Variants in SKOR2 observed in about 807,000 individuals in gnomAD.
SKOR2 encodes the protein SKI family transcriptional corepressor 2, also known as LBX1 corepressor 1-like protein.
A neutral mutation model predicts 69.1 loss-of-function variants in SKOR2; 47 were observed. The observed-to-expected ratio is 0.68, with a 90% CI of 0.54 to 0.87. The LOEUF is 0.87. Ranked by LOEUF, SKOR2 falls within the 40% of genes least tolerant of loss-of-function variation. SKOR2 has a pLI of 0.00. For synonymous variants in SKOR2, 717 were observed against 672.6 expected (o/e 1.07, Z -1.02); for missense variants, 1,404 against 1,472.2 (o/e 0.95, Z 0.76).
intron 8 of SKOR2, among the ~76,000 whole-genome samples, chr18:47,210,456 T>C (rs986561481): frequency 3.3e-5 from 5 of 152,204 alleles, no homozygotes; most frequent in Non-Finnish European, 7.4e-5. Context: ...AGGTTATTTT[T>C]AAAAACATCC....
In SKOR2 at chr18:47,247,434, C is replaced by T. The variant is rs1341166096; in HGVS notation, c.1750G>A (p.Gly584Arg). The T allele has an allele frequency of 3.9e-6, 5 of 1,280,760 alleles. No individual in the cohort carries two copies. Among genetic ancestry groups the T allele is most frequent in the Non-Finnish European group, 3.9e-6 (4 of 1,016,068 alleles). 79.3% of individuals were successfully genotyped at this position (1,280,760 alleles called of 1,614,324 possible). The change falls in exon 2 of 9, where the codon GGG becomes AGG. Residue 584 changes from glycine (G) to arginine (R), a missense_variant. Physicochemically the swap from Gly to Arg is moderately radical, Grantham distance 125. Around this residue, in one of 3 missense-constraint regions of SKOR2, gnomAD observed 1,266 missense variants for 1,309.9 expected, o/e 0.97. Transcript: ENST00000425639. The surrounding 1 kb of genome is among the most constrained non-coding windows in gnomAD (Gnocchi z 6.6). ...TPPADSVAAA[G>R]AGAAAAGSGP... The stretch of plus-strand genomic sequence containing the variant: ...GACCCGGCGGCCGCGGCCCCTGCCC[C>T]GGCAGCTGCCACAGAGTCCGCGGGC...
chr18:47,222,741 G>C (rs1240610249), intron 6 of SKOR2, among the ~76,000 whole-genome samples: 1 of 152,218 alleles, frequency 6.6e-6, no homozygotes, highest in Non-Finnish European at 1.5e-5. Flanking sequence ...AGGAGGGGCT[G>C]CCTGAAGCCG....
chr18:47,248,275 G>T lies in SKOR2; in HGVS notation c.909C>A (p.His303Gln). 8.2e-7 allele frequency: 1 copy of T among 1,217,134 alleles called. No homozygotes were observed. Among genetic ancestry groups the T allele is most frequent in the South Asian group, 4.0e-5 (1 of 25,168 alleles). The allele number at this position is 1,217,134 out of a possible 1,614,324, so 75.4% of individuals were successfully genotyped here. A position where few individuals can be genotyped will look rare whatever the true frequency, so the allele number is the denominator to read the frequency against. The change falls in exon 2 of 9, where the codon CAC becomes CAA. Residue 303 changes from histidine to glutamine, a missense_variant. Coordinates refer to ENST00000425639, the MANE Select transcript of SKOR2 (RefSeq NM_001278063.4). The surrounding 1 kb of genome is among the most constrained non-coding windows in gnomAD (Gnocchi z 6.4). ...PPLAELAGAP[H>Q]AHHKRPRFDD... is the part of the protein sequence containing the mutation. Reference sequence around the variant, plus strand: ...CGAAGCGCGGCCGCTTGTGATGGGCGTGCGGGGCACCAGCCAGCTCTGCCA... The same window carrying T: ...CGAAGCGCGGCCGCTTGTGATGGGCTTGCGGGGCACCAGCCAGCTCTGCCA...
In SKOR2 at chr18:47,246,968, T is replaced by G. The variant is rs1451728057; in HGVS notation, c.2216A>C (p.Glu739Ala). 4.0e-6 allele frequency: 6 copies of G among 1,496,800 alleles called. No homozygotes were observed. The African/African-American group carries it at 7.2e-5, about 18-fold the overall frequency. The allele number at this position is 1,496,800 out of a possible 1,614,324, so 92.7% of individuals were successfully genotyped here. ...CTCCACGTCCACCTCCTGCTCTTCT[T>G]CCTCGTCGTCCTCGTCCTCGGAGCT... is the stretch of plus-strand genomic sequence containing the variant. ...EDSSEDEDDE[E>A]EEQEVDVEGH... Residue 739 changes from glutamate to alanine, a missense_variant, in exon 2 of 9, where the codon GAA becomes GCA. Glu to Ala is a moderately radical substitution (Grantham distance 107, BLOSUM62 -1). Coordinates refer to ENST00000425639, the MANE Select transcript of SKOR2 (RefSeq NM_001278063.4).
At chr18:47,225,464 C>T (rs2064175351) in intron 6 of SKOR2, among the ~76,000 whole-genome samples, 1 of 152,178 alleles carries the variant, frequency 6.6e-6, no homozygotes, top group Admixed American at 6.5e-5. Flanking sequence ...TCCTATCAAT[C>T]ATTTATTGAG....
At chr18:47,246,206 T>G (rs2144513784) in intron 2 of SKOR2, among the ~76,000 whole-genome samples, 1 of 152,284 alleles carries the variant, frequency 6.6e-6, no homozygotes, top group South Asian at 2.1e-4. Flanking sequence ...GCTGCTCCGG[T>G]GTTGTGGTCT....
chr18:47,247,255 C>T lies in SKOR2; in HGVS notation c.1929G>A (p.Ser643=). The T allele has an allele frequency of 6.8e-7, 1 of 1,473,872 alleles. No individual in the cohort carries two copies. The allele number at this position is 1,473,872 out of a possible 1,614,324, so 91.3% of individuals were successfully genotyped here. ...TCTGGGCCGAGTGGGGCGCGCCCGC[C>T]GACGCCCCGTGCAGCTTGGCCAGGC... is the stretch of plus-strand genomic sequence containing the variant. The part of the protein sequence containing the change: ...AESLAKLHGA[S]AGAPHSAQTH... Residue 643 remains serine, a synonymous_variant, in exon 2 of 9, where the codon TCG becomes TCA. Transcript: ENST00000425639. This position sits in a 1 kb window ranked among gnomAD's most constrained non-coding sequence, Gnocchi z 6.6.
At chr18:47,229,150 T>C (rs936680460) in intron 6 of SKOR2, among the ~76,000 whole-genome samples, 4 of 152,188 alleles carry the variant, frequency 2.6e-5, no homozygotes, top group African/African-American at 9.7e-5. Flanking sequence ...TGATTACATT[T>C]AGGAAGCCCT....
chr18:47,246,149 AGG>A (rs962733320), intron 2 of SKOR2, among the ~76,000 whole-genome samples: 1 of 152,172 alleles, frequency 6.6e-6, no homozygotes, highest in Admixed American at 6.5e-5. Flanking sequence ...GTCATGGTGG[AGG>A]GGAGGTACTG....
chr18:47,248,208 C>T lies in SKOR2; in HGVS notation c.976G>A (p.Ala326Thr). Residue 326 changes from alanine (A) to threonine (T), a missense_variant, in exon 2 of 9, where the codon GCC becomes ACC. Physicochemically the swap from Ala to Thr is moderately conservative, Grantham distance 58. Transcript: ENST00000425639. This position sits in a 1 kb window ranked among gnomAD's most constrained non-coding sequence, Gnocchi z 6.4. ...DSLQEAAVVA[A>T]ASLSAAAASL... ...GCGGCTGCGGCCGAGAGGCTGGCGG[C>T]GGCCACTACGGCGGCCTCCTGCAAG... is the stretch of plus-strand genomic sequence containing the variant. 8.1e-7 allele frequency: 1 copy of T among 1,230,798 alleles called. No individual in the cohort carries two copies. Among genetic ancestry groups the T allele is most frequent in the South Asian group, 3.8e-5 (1 of 26,476 alleles). 76.2% of individuals were successfully genotyped at this position (1,230,798 alleles called of 1,614,324 possible).
intron 2 of SKOR2, 41 bp downstream of exon 2, chr18:47,246,530 T>A: frequency 6.8e-7 from 1 of 1,462,448 alleles, no homozygotes; most frequent in Non-Finnish European, 8.9e-7. Flanking sequence ...TGCATTTAAA[T>A]AATAATAATT....
rs567677759 is a variant in SKOR2, at chr18:47,249,095, C to G, written c.89G>C (p.Arg30Pro). The G allele has an allele frequency of 6.5e-7, 1 of 1,536,138 alleles. No individual in the cohort carries two copies. Among genetic ancestry groups the G allele is most frequent in the African/African-American group, 1.4e-5 (1 of 73,042 alleles). ...AFQPDTLSQP[R>P]PGHANLKPNQ... is the part of the protein sequence containing the mutation. Reference sequence around the variant, plus strand: ...GGGTTTGAGGTTGGCGTGCCCTGGCCGCGGCTGGCTCAGCGTGTCGGGCTG... The same window carrying G: ...GGGTTTGAGGTTGGCGTGCCCTGGCGGCGGCTGGCTCAGCGTGTCGGGCTG... Residue 30 changes from arginine (R) to proline (P), a missense_variant, in exon 2 of 9, where the codon CGG (arginine) becomes CCG (proline). Arg to Pro is a moderately radical substitution (Grantham distance 103). Around this residue, in one of 3 missense-constraint regions of SKOR2, gnomAD observed 104 missense variants for 95.7 expected, o/e 1.09. Coordinates refer to ENST00000425639, the MANE Select transcript of SKOR2 (RefSeq NM_001278063.4).
At chr18:47,238,135 G>C (rs1402018163) in intron 4 of SKOR2, among the ~76,000 whole-genome samples, 1 of 152,006 alleles carries the variant, frequency 6.6e-6, no homozygotes, top group Non-Finnish European at 1.5e-5. Flanking sequence ...GGGCTATTAT[G>C]TCCTCCCAGT....
rs1251838130 is a variant in SKOR2 at position 47,247,291 on chromosome 18, G to A, written c.1893C>T (p.Asp631=). Residue 631 remains aspartate, a synonymous_variant, in exon 2 of 9, where the codon GAC becomes GAT. Transcript: ENST00000425639. The surrounding 1 kb of genome is among the most constrained non-coding windows in gnomAD (Gnocchi z 6.6). ...SSAFRPVGGK[D]DAESLAKLHG... is the part of the protein sequence containing the mutation. Reference sequence around the variant, plus strand: ...GCAGCTTGGCCAGGCTCTCCGCGTCGTCCTTGCCGCCCACTGGCCGGAAGG... The same window carrying A: ...GCAGCTTGGCCAGGCTCTCCGCGTCATCCTTGCCGCCCACTGGCCGGAAGG... 1 of 1,482,414 alleles carries A rather than the reference G, an allele frequency of 6.7e-7. No homozygotes were observed. The highest frequency in any genetic ancestry group is 8.9e-7 in the Non-Finnish European group (1 of 1,122,284). The allele number at this position is 1,482,414 out of a possible 1,614,324, so 91.8% of individuals were successfully genotyped here. A position where few individuals can be genotyped will look rare whatever the true frequency, so the allele number is the denominator to read the frequency against.
At chr18:47,213,367 A>T (rs1234042954) in intron 7 of SKOR2, among the ~76,000 whole-genome samples, 1 of 147,910 alleles carries the variant, frequency 6.8e-6, no homozygotes, top group African/African-American at 2.5e-5. Context: ...TGATATATAT[A>T]TATTTATTTA....
rs138563955 is a variant in SKOR2, at chr18:47,221,084, A to C, written c.2918-1074T>G. ...GCTTAAAAATCTCCAATGGCTTTCC[A>C]ACACTTTCAGGATAGTAAATCCTTT... On this transcript the variant is annotated intron_variant, in intron 6 of 8. Coordinates refer to ENST00000425639, the MANE Select transcript of SKOR2 (RefSeq NM_001278063.4). 2.0e-3 allele frequency among the ~76,000 whole-genome samples: 308 copies of C among 152,290 alleles called. 1 individual carries two copies. The highest frequency in any genetic ancestry group is 7.0e-3 in the African/African-American group (290 of 41,562).
rs1459845853 is a variant in SKOR2 at position 47,248,052 on chromosome 18, G to A, written c.1132C>T (p.Arg378Cys). 17 of 1,435,272 alleles carry A rather than the reference G, an allele frequency of 1.2e-5. No individual in the cohort carries two copies. Among genetic ancestry groups the A allele is most frequent in the African/African-American group, 1.5e-5 (1 of 67,664 alleles). 88.9% of individuals were successfully genotyped at this position (1,435,272 alleles called of 1,614,324 possible). A position where few individuals can be genotyped will look rare whatever the true frequency, so the allele number is the denominator to read the frequency against. Residue 378 changes from arginine to cysteine, a missense_variant, in exon 2 of 9, where the codon CGC (arginine) becomes TGC (cysteine). Physicochemically the swap from Arg to Cys is radical, Grantham distance 180 (BLOSUM62 -3). Transcript: ENST00000425639. The surrounding 1 kb of genome is among the most constrained non-coding windows in gnomAD (Gnocchi z 6.4). ...AGAGAGAKGPRSYPVIPVPSK... is the reference protein window; with the variant it reads ...AGAGAGAKGPCSYPVIPVPSK... ...GGCACCGGGATGACTGGGTAGCTGC[G>A]CGGGCCTTTGGCCCCTGCCCCGGCA...
Position 47,245,508 on chromosome 18 carries a change from G to A in SKOR2, c.2667C>T (p.Asn889=). 8.3e-6 allele frequency: 7 copies of A among 843,424 alleles called. No homozygotes were observed. Among genetic ancestry groups the A allele is most frequent in the Non-Finnish European group, 1.1e-5 (7 of 635,554 alleles). The allele number at this position is 843,424 out of a possible 1,614,324, so 52.2% of individuals were successfully genotyped here. ...TTTTTTTTTTTTTACCTGAAAAGCT[G>A]TTGTCATCCTTTGTAGATACAATTA... ...NQVIVSTKDD[N]SFSDKNKEHS... Residue 889 remains asparagine (N), a synonymous_variant, in exon 3 of 9, where the codon AAC becomes AAT. Transcript: ENST00000425639.
chr18:47,249,017 A>G lies in SKOR2; in HGVS notation c.167T>C (p.Ile56Thr). ...CAGGCACAGGCGCTCTTGCCCGTCG[A>G]TCACCAACGACACGATGGGAATGCC... The part of the protein sequence containing the change: ...LYGIPIVSLV[I>T]DGQERLCLAQ... Residue 56 changes from isoleucine to threonine, a missense_variant, in exon 2 of 9, where the codon ATC (isoleucine) becomes ACC (threonine). By Grantham distance (89) the Ile-to-Thr change is moderately conservative (BLOSUM62 -1). Transcript: ENST00000425639. 1.3e-6 allele frequency: 2 copies of G among 1,544,548 alleles called. No homozygotes were observed. The highest frequency in any genetic ancestry group is 1.7e-6 in the Non-Finnish European group (2 of 1,151,102).
Sources: gnomAD v4.1 joint callset for allele counts (sites outside exome capture counted in the v4.1 genomes callset) on GRCh38, gnomAD v4.1.1 for gene constraint, gnomAD v4.1.1 regional missense constraint, Gnocchi (gnomAD v3.1) non-coding constraint, MANE v1.5 for transcripts, NCBI Gene and HGNC (gene_info 2026-07-23, HGNC 2026-07-21) for gene names.